The following LRMDA variants were observed in gnomAD, a reference collection of about 807,000 sequenced individuals.
LRMDA encodes leucine rich melanocyte differentiation associated.
A neutral mutation model predicts 29.8 loss-of-function variants in LRMDA; 18 were observed. That is an observed-to-expected ratio of 0.60 (90% confidence interval 0.42 to 0.90). The LOEUF (loss-of-function observed/expected upper bound fraction) is 0.90, where lower values mean the gene tolerates loss of function less well. LRMDA is among the 40% of genes least tolerant of loss of function. The pLI is 0.00. For missense variants in LRMDA, 273 were observed against 273.9 expected, an observed-to-expected ratio of 1.00 and a Z score of 0.02; for synonymous variants, 125 against 109.4, an observed-to-expected ratio of 1.14 and a Z score of -0.89.
chr10:76,337,112 A>T (rs755191774), intron 6 of LRMDA, among the ~76,000 whole-genome samples: 2 of 152,190 alleles, frequency 1.3e-5, no homozygotes, highest in Non-Finnish European at 1.5e-5. Context: ...CAGACTTAAC[A>T]TATTCCATAG....
At chr10:76,060,367 G>T (rs775518096) in intron 5 of LRMDA, among the ~76,000 whole-genome samples, 1 of 152,182 alleles carries the variant, frequency 6.6e-6, no homozygotes, top group African/African-American at 2.4e-5. Flanking sequence ...GGGGCACTCA[G>T]TGCATGCCCA....
At chr10:75,686,016 AC>A (rs2132156470) in intron 2 of LRMDA, among the ~76,000 whole-genome samples, 1 of 152,288 alleles carries the variant, frequency 6.6e-6, no homozygotes, top group South Asian at 2.1e-4. Context: ...GCATGGAGAG[AC>A]GAAGGAATTT....
intron 2 of LRMDA, among the ~76,000 whole-genome samples, chr10:75,469,495 C>T (rs1025882787): frequency 2.0e-5 from 3 of 152,064 alleles, no homozygotes; most frequent in Non-Finnish European, 4.4e-5. Context: ...TTTCTGATGA[C>T]TGATTTCATC....
chr10:76,450,930 A>T (rs1842399334), intron 6 of LRMDA, among the ~76,000 whole-genome samples: 1 of 152,216 alleles, frequency 6.6e-6, no homozygotes, highest in Non-Finnish European at 1.5e-5. Flanking sequence ...AATTTCAAAT[A>T]TATCCTCCTC....
intron 5 of LRMDA, among the ~76,000 whole-genome samples, chr10:76,059,698 T>C (rs553413880): frequency 2.6e-5 from 4 of 152,272 alleles, no homozygotes; most frequent in Middle Eastern, 3.4e-3. Context: ...TGCATGTGCA[T>C]TGGAAATGAT....
chr10:76,456,783 G>A (rs549879511), intron 6 of LRMDA, among the ~76,000 whole-genome samples: 14 of 152,218 alleles, frequency 9.2e-5, no homozygotes, highest in Non-Finnish European at 1.6e-4. Flanking sequence ...GTTGTTAAGA[G>A]GTGTTCTTTT....
chr10:75,986,956 G>A (rs1167490503), intron 2 of LRMDA, among the ~76,000 whole-genome samples: 1 of 152,184 alleles, frequency 6.6e-6, no homozygotes, highest in Non-Finnish European at 1.5e-5. Flanking sequence ...ATCATTAATT[G>A]TGTGAAGAAA....
intron 3 of LRMDA, among the ~76,000 whole-genome samples, chr10:76,045,720 G>T (rs549248157): frequency 5.9e-5 from 9 of 152,258 alleles, no homozygotes; most frequent in Admixed American, 5.9e-4. Context: ...GTGACCCCAA[G>T]CAGTTAAATT....
At chr10:76,395,364 G>T (rs1471636344) in intron 6 of LRMDA, among the ~76,000 whole-genome samples, 1 of 152,136 alleles carries the variant, frequency 6.6e-6, no homozygotes, top group Non-Finnish European at 1.5e-5. Flanking sequence ...ATCTCAGCTG[G>T]TTCTCCTCTG....
chr10:76,346,080 T>C (rs573946674), intron 6 of LRMDA, among the ~76,000 whole-genome samples: 2 of 152,284 alleles, frequency 1.3e-5, no homozygotes, highest in East Asian at 3.9e-4. Flanking sequence ...CTTTTTGTGT[T>C]TAAAAGCACA....
chr10:76,388,208 G>A (rs559053747), intron 6 of LRMDA, among the ~76,000 whole-genome samples: 33 of 152,286 alleles, frequency 2.2e-4, no homozygotes, highest in Non-Finnish European at 3.5e-4. Flanking sequence ...ATGCCATAGA[G>A]ACCACTTATG....
chr10:76,021,880 A>AG (rs1448981706), intron 2 of LRMDA, among the ~76,000 whole-genome samples: 1 of 152,214 alleles, frequency 6.6e-6, no homozygotes, highest in Non-Finnish European at 1.5e-5. Context: ...AGGCAGGAGC[A>AG]GGGGGAAGAT....
At chr10:76,131,666 T>G (rs955312256) in intron 5 of LRMDA, among the ~76,000 whole-genome samples, 3 of 111,922 alleles carry the variant, frequency 2.7e-5, no homozygotes, top group Non-Finnish European at 6.7e-5. Flanking sequence ...TTTGATGGTT[T>G]TTTTTTTTAA....
intron 6 of LRMDA, among the ~76,000 whole-genome samples, chr10:76,479,883 A>G (rs1300629380): frequency 1.3e-5 from 2 of 151,926 alleles, no homozygotes; most frequent in Non-Finnish European, 2.9e-5. Context: ...TTAGATGATT[A>G]TAGCCTTAAC....
intron 6 of LRMDA, among the ~76,000 whole-genome samples, chr10:76,400,949 C>T (rs1380481964): frequency 6.6e-6 from 1 of 152,138 alleles, no homozygotes; most frequent in East Asian, 1.9e-4. Context: ...GCATTATATG[C>T]TTACCTGTTG....
intron 2 of LRMDA, among the ~76,000 whole-genome samples, chr10:75,799,593 C>A (rs1210528497): frequency 2.0e-5 from 3 of 151,588 alleles, no homozygotes; most frequent in Non-Finnish European, 2.9e-5. Flanking sequence ...CGGCTCACTG[C>A]AACCTCCGCC....
At chr10:76,526,951 G>A (rs1164425429) in intron 6 of LRMDA, among the ~76,000 whole-genome samples, 5 of 147,386 alleles carry the variant, frequency 3.4e-5, no homozygotes, top group East Asian at 4.0e-4. Context: ...CAATGTGCAC[G>A]TGTACCCTAA....
At chr10:76,439,545 T>C (rs186655361) in intron 6 of LRMDA, among the ~76,000 whole-genome samples, 185 of 152,302 alleles carry the variant, frequency 1.2e-3, no homozygotes, top group African/African-American at 3.5e-3. Context: ...GGAAAGGTGT[T>C]GTCTCTGAAG....
intron 4 of LRMDA, 80 bp downstream of exon 4, chr10:76,047,383 A>C (rs138823816): frequency 1.4e-6 from 2 of 1,381,542 alleles, no homozygotes; most frequent in East Asian, 5.1e-5. Context: ...TCTGGGGTGC[A>C]TAGTAGATGT....
Sources: allele counts gnomAD v4.1 joint callset (sites outside exome capture counted in the v4.1 genomes callset), GRCh38; gene constraint gnomAD v4.1.1; transcripts MANE v1.5; gene names NCBI Gene and HGNC (gene_info 2026-07-23, HGNC 2026-07-21).